NEBL: variants seen among roughly 807,000 people sequenced by gnomAD.
NEBL encodes LIM and SH3 protein 2.
NEBL carries 122 observed loss-of-function variants against 140.2 expected under a neutral mutation model. The ratio of observed to expected loss-of-function variants is 0.87; its 90% confidence interval spans 0.75 to 1.01. NEBL has a LOEUF of 1.01. Among genes scored for constraint, NEBL ranks in the 50% least tolerant of loss-of-function variants. The pLI, the probability that NEBL is intolerant of heterozygous loss-of-function variation, is 0.00. For synonymous variants in NEBL, 436 were observed against 398.9 expected (o/e 1.09, Z -1.11); for missense variants, 1,365 against 1,231.3 (o/e 1.11, Z -1.62).
intron 2 of NEBL, among the ~76,000 whole-genome samples, chr10:21,062,928 G>A (rs1172889331): frequency 6.6e-6 from 1 of 152,050 alleles, no homozygotes; most frequent in African/African-American, 2.4e-5. Flanking sequence ...AGAAGGACAC[G>A]AGCGGCCAAG....
Position 20,850,983 on chromosome 10 carries a change from T to C in NEBL, c.1009-481A>G, listed in dbSNP as rs12262319. 9.1e-3 allele frequency among the ~76,000 whole-genome samples: 1,387 copies of C among 152,344 alleles called. 18 individuals carry two copies. The highest frequency in any genetic ancestry group is 0.031 in the African/African-American group (1,297 of 41,574). ...CCTCCAGGGATGCTGAATTTTTTCATAGACACTGAGTAAAACACTCACACA... is the reference window on the plus strand; with the variant it reads ...CCTCCAGGGATGCTGAATTTTTTCACAGACACTGAGTAAAACACTCACACA... On this transcript the variant is annotated intron_variant, in intron 10 of 27. Transcript: ENST00000377122.
intron 21 of NEBL, 64 bp downstream of exon 21, chr10:20,817,536 C>G: frequency 8.1e-7 from 1 of 1,239,368 alleles, no homozygotes; most frequent in Non-Finnish European, 1.2e-6. Context: ...AAATACAATC[C>G]CTTCATTCAC....
chr10:21,241,839 T>C (rs1205824014), intron 3 of NEBL, among the ~76,000 whole-genome samples: 1 of 152,214 alleles, frequency 6.6e-6, no homozygotes, highest in African/African-American at 2.4e-5. Flanking sequence ...TCAAGTTCTT[T>C]ATAGACCTGG....
At chr10:21,205,633 T>C (rs1429985011) in intron 3 of NEBL, among the ~76,000 whole-genome samples, 4 of 152,184 alleles carry the variant, frequency 2.6e-5, no homozygotes, top group Non-Finnish European at 4.4e-5. Flanking sequence ...CAATATATTA[T>C]GGAAAAAAAC....
At chr10:21,160,855 T>C (rs971802190) in intron 2 of NEBL, among the ~76,000 whole-genome samples, 2 of 117,582 alleles carry the variant, frequency 1.7e-5, no homozygotes, top group Non-Finnish European at 3.2e-5. Flanking sequence ...TCAAACTTAT[T>C]TCCAGGGGGA....
intron 3 of NEBL, among the ~76,000 whole-genome samples, chr10:21,196,249 G>A (rs1841645889): frequency 6.6e-6 from 1 of 151,852 alleles, no homozygotes; most frequent in South Asian, 2.1e-4. Context: ...TGATCTGCCT[G>A]CCTTAGCCTC....
At chr10:21,159,275 G>A (rs1840457119) in intron 2 of NEBL, among the ~76,000 whole-genome samples, 1 of 152,032 alleles carries the variant, frequency 6.6e-6, no homozygotes, top group Non-Finnish European at 1.5e-5. Context: ...CTAACTGTGA[G>A]CTAATGACTA....
At chr10:20,964,993 A>T (rs562026467) in intron 3 of NEBL, among the ~76,000 whole-genome samples, 1 of 152,346 alleles carries the variant, frequency 6.6e-6, no homozygotes, top group East Asian at 1.9e-4. Context: ...AAATACAAAC[A>T]TGTAAATTTC....
intron 1 of NEBL, among the ~76,000 whole-genome samples, chr10:21,273,079 C>T: frequency 6.6e-6 from 1 of 152,144 alleles, no homozygotes; most frequent in Non-Finnish European, 1.5e-5. Flanking sequence ...CTGGAGTCAT[C>T]TACTTGATTG....
intron 1 of NEBL, among the ~76,000 whole-genome samples, chr10:21,257,153 A>G (rs1434013716): frequency 1.3e-5 from 2 of 152,222 alleles, no homozygotes; most frequent in African/African-American, 4.8e-5. Context: ...TATTAAAATT[A>G]TATGACTTGG....
intron 5 of NEBL, among the ~76,000 whole-genome samples, chr10:20,878,918 T>C (rs1845759139): frequency 6.6e-6 from 1 of 152,150 alleles, no homozygotes; most frequent in African/African-American, 2.4e-5. Context: ...GGAACTTCCG[T>C]ATTTGAATTT....
intron 26 of NEBL, among the ~76,000 whole-genome samples, chr10:20,803,805 T>C (rs1252498025): frequency 1.8e-5 from 2 of 114,146 alleles, no homozygotes; most frequent in African/African-American, 8.2e-5. Flanking sequence ...TTTCCTTCTG[T>C]ACGAAAAATA....
chr10:20,986,034 C>T (rs2131675006), intron 3 of NEBL, among the ~76,000 whole-genome samples: 1 of 152,288 alleles, frequency 6.6e-6, no homozygotes, highest in African/African-American at 2.4e-5. Context: ...AGAATGGACG[C>T]TGCTCTACAA....
chr10:21,061,286 A>G (rs1272885169), intron 2 of NEBL, among the ~76,000 whole-genome samples: 1 of 147,460 alleles, frequency 6.8e-6, no homozygotes, highest in African/African-American at 2.4e-5. Flanking sequence ...ATTATGTGAT[A>G]TGTAACATAT....
At chr10:21,112,030 C>T (rs1203698953) in intron 2 of NEBL, among the ~76,000 whole-genome samples, 3 of 152,150 alleles carry the variant, frequency 2.0e-5, no homozygotes, top group Non-Finnish European at 4.4e-5. Context: ...CAAATCAAAA[C>T]CACAATGAGA....
intron 3 of NEBL, among the ~76,000 whole-genome samples, chr10:20,962,771 A>G (rs775074620): frequency 2.0e-5 from 3 of 152,234 alleles, no homozygotes; most frequent in African/African-American, 7.2e-5. Flanking sequence ...CAAGCTTCCA[A>G]TCAACACTTA....
chr10:20,904,789 T>C (rs1333701879), intron 4 of NEBL, among the ~76,000 whole-genome samples: 1 of 152,234 alleles, frequency 6.6e-6, no homozygotes, highest in Non-Finnish European at 1.5e-5. Flanking sequence ...CTGGAAAAAC[T>C]TGAATATGAG....
At chr10:20,867,997 G>A (rs1844484589) in intron 7 of NEBL, 2 of 149,174 alleles carry the variant, frequency 1.3e-5, no homozygotes, top group Admixed American at 1.3e-4. Context: ...TACTTTTAAA[G>A]GCTATTCCCT....
At chr10:21,171,263 A>T (rs1040490056) in intron 2 of NEBL, among the ~76,000 whole-genome samples, 10 of 146,322 alleles carry the variant, frequency 6.8e-5, no homozygotes, top group African/African-American at 2.2e-4. Flanking sequence ...TGAACCTGGG[A>T]GGTGGTGGTT....
Sources: gnomAD v4.1 joint callset for allele counts (sites outside exome capture counted in the v4.1 genomes callset) on GRCh38, gnomAD v4.1.1 for gene constraint, MANE v1.5 for transcripts, NCBI Gene and HGNC (gene_info 2026-07-23, HGNC 2026-07-21) for gene names.